The following COX16 variants were observed in gnomAD, a reference collection of about 807,000 sequenced individuals.
COX16 encodes the protein cytochrome c oxidase assembly factor COX16.
In COX16, 12 loss-of-function variants were observed where a neutral mutation model predicts 15.4. The ratio of observed to expected loss-of-function variants is 0.78; its 90% CI spans 0.50 to 1.26. The LOEUF (loss-of-function observed/expected upper bound fraction) is 1.26, where lower values mean the gene tolerates loss of function less well. COX16 is among the 50% of genes most tolerant of loss of function. The probability of loss-of-function intolerance (pLI) is 0.00; values close to 1 mark genes in which losing one functional copy is unlikely to be tolerated. For missense variants in COX16, 124 were observed against 127.6 expected (o/e 0.97, Z 0.14); for synonymous variants, 46 against 41.1 (o/e 1.12, Z -0.46).
intron 1 of COX16, among the ~76,000 whole-genome samples, chr14:70,352,433 C>T (rs572660398): frequency 5.3e-4 from 81 of 152,118 alleles, no homozygotes; most frequent in South Asian, 2.1e-3. Context: ...GTGATCCACC[C>T]GCCTCAGCCT....
chr14:70,332,467 T>C (rs1886320027), intron 2 of COX16, among the ~76,000 whole-genome samples: 1 of 152,086 alleles, frequency 6.6e-6, no homozygotes, highest in African/African-American at 2.4e-5. Context: ...TCCAGCTCTC[T>C]AGCCTCCAGG....
intron 2 of COX16, among the ~76,000 whole-genome samples, chr14:70,336,986 T>G (rs1050223450): frequency 3.9e-5 from 6 of 152,128 alleles, no homozygotes; most frequent in African/African-American, 1.4e-4. Flanking sequence ...CCAAAAGAGC[T>G]TAGAGTTGAA....
At chr14:70,338,020 G>GC (rs777083521) in intron 2 of COX16, among the ~76,000 whole-genome samples, 3 of 152,144 alleles carry the variant, frequency 2.0e-5, no homozygotes, top group Non-Finnish European at 4.4e-5. Flanking sequence ...CTCGGCAAAA[G>GC]CAACAACTGA....
intron 2 of COX16, among the ~76,000 whole-genome samples, chr14:70,329,656 C>G (rs758361017): frequency 1.0e-4 from 15 of 142,900 alleles, no homozygotes; most frequent in Non-Finnish European, 1.5e-5. Flanking sequence ...AACAAAAATA[C>G]TAATATAATG....
intron 1 of COX16, among the ~76,000 whole-genome samples, chr14:70,343,626 C>T (rs1157894765): frequency 2.6e-5 from 4 of 152,180 alleles, no homozygotes; most frequent in Non-Finnish European, 5.9e-5. Context: ...TATGGCTATA[C>T]AGGTCACAGG....
chr14:70,335,114 TATATA>T (rs1886410212), intron 2 of COX16, among the ~76,000 whole-genome samples: 1 of 151,886 alleles, frequency 6.6e-6, no homozygotes, highest in South Asian at 2.1e-4. Context: ...CGAAGGAAAT[TATATA>T]ATGATAAAAG....
At chr14:70,339,588 C>T (rs11158856) in intron 2 of COX16, among the ~76,000 whole-genome samples, 132,387 of 152,072 alleles carry the variant, frequency 0.87, 57,692 homozygotes, top group East Asian at 0.93. Flanking sequence ...TTGACCTCAG[C>T]AATTTACCCT....
intron 1 of COX16, 153 bp downstream of exon 1, chr14:70,359,366 G>A (rs1887229247): frequency 1.4e-6 from 1 of 708,264 alleles, no homozygotes; most frequent in Admixed American, 2.0e-5. Flanking sequence ...ACTGGTGGAA[G>A]AGCTTTTAGG....
chr14:70,342,424 G>C (rs1470447065), intron 2 of COX16, among the ~76,000 whole-genome samples: 2 of 152,120 alleles, frequency 1.3e-5, no homozygotes, highest in Non-Finnish European at 2.9e-5. Context: ...CAGTCTGAGC[G>C]ACAGAGTGAG....
rs773931066 is a variant in COX16, at chr14:70,329,209, TCA to T, written c.167_168del (p.Leu56GlnfsTer4). 1.2e-5 allele frequency: 20 copies of T among 1,608,100 alleles called. No homozygotes were observed. Among genetic ancestry groups the T allele is most frequent in the South Asian group, 7.8e-5 (7 of 90,192 alleles). ...SKMDPELEKK[L>X]KENKISLESE... ...GACTCTAAAGATATTTTATTCTCTT[TCA>T]GTTTTTTTTCAAGCTCAGGATCCAT... is the stretch of plus-strand genomic sequence containing the variant. On this transcript the variant is annotated frameshift_variant, in exon 3 of 4. Coordinates refer to ENST00000389912, the MANE Select transcript of COX16 (RefSeq NM_016468.7). LOFTEE classifies it high-confidence loss of function.
chr14:70,341,300 CCCTAATA>C (rs1249381535), intron 2 of COX16, among the ~76,000 whole-genome samples: 3 of 152,050 alleles, frequency 2.0e-5, no homozygotes, highest in Non-Finnish European at 4.4e-5. Flanking sequence ...TTAAAATTTA[CCCTAATA>C]CCTACTGTCC....
At chr14:70,345,580 C>T (rs1886754472) in intron 1 of COX16, among the ~76,000 whole-genome samples, 1 of 152,118 alleles carries the variant, frequency 6.6e-6, no homozygotes, top group African/African-American at 2.4e-5. Flanking sequence ...TACAGCCTGG[C>T]CACAGTACAA....
At chr14:70,357,348 GC>G (rs1887162360) in intron 1 of COX16, among the ~76,000 whole-genome samples, 1 of 152,004 alleles carries the variant, frequency 6.6e-6, no homozygotes, top group Non-Finnish European at 1.5e-5. Context: ...CAATGTATAT[GC>G]CCAAGAAAGA....
intron 1 of COX16, among the ~76,000 whole-genome samples, chr14:70,347,082 G>A (rs1379915974): frequency 6.6e-6 from 1 of 151,564 alleles, no homozygotes; most frequent in Non-Finnish European, 1.5e-5. Context: ...ACCCCCGTCC[G>A]CATTACCCTT....
intron 2 of COX16, among the ~76,000 whole-genome samples, chr14:70,335,219 C>G (rs1886414079): frequency 6.6e-6 from 1 of 152,080 alleles, no homozygotes; most frequent in African/African-American, 2.4e-5. Context: ...ATTAACAAAT[C>G]TAAAGGGAGA....
intron 1 of COX16, among the ~76,000 whole-genome samples, chr14:70,357,376 A>G (rs1250958100): frequency 1.3e-5 from 2 of 152,142 alleles, no homozygotes; most frequent in Non-Finnish European, 2.9e-5. Flanking sequence ...AAGGCCCTAA[A>G]TTCTCAACTT....
chr14:70,342,057 G>GT (rs1446577367), intron 2 of COX16, among the ~76,000 whole-genome samples: 1 of 152,126 alleles, frequency 6.6e-6, no homozygotes, highest in African/African-American at 2.4e-5. Flanking sequence ...ATTGACCTCT[G>GT]TTTTTTAATC....
At position 70,348,691 on chromosome 14, in the gene COX16, A is replaced by G. The variant is rs192660081; in HGVS notation, c.70-5962T>C. On this transcript the variant is annotated intron_variant, in intron 1 of 3. Coordinates refer to ENST00000389912, the MANE Select transcript of COX16 (RefSeq NM_016468.7). ...CCAGACAACAAATTAACATATATTC[A>G]GATTCTCATTATGCGTTCCATATAG... 6.9e-4 allele frequency among the ~76,000 whole-genome samples: 105 copies of G among 152,288 alleles called. 1 individual carries two copies. The highest frequency in any genetic ancestry group is 2.5e-3 in the African/African-American group (103 of 41,560).
chr14:70,352,182 T>A (rs148982632), intron 1 of COX16, among the ~76,000 whole-genome samples: 2 of 152,290 alleles, frequency 1.3e-5, no homozygotes, highest in African/African-American at 4.8e-5. Context: ...GTCTGTACTT[T>A]TTTATTTATT....
Sources: gnomAD v4.1 joint callset for allele counts (sites outside exome capture counted in the v4.1 genomes callset) on GRCh38, gnomAD v4.1.1 for gene constraint, MANE v1.5 for transcripts, NCBI Gene and HGNC (gene_info 2026-07-23, HGNC 2026-07-21) for gene names.